The following DLC1 variants were observed in gnomAD, a reference collection of about 807,000 sequenced individuals.
DLC1 encodes DLC1 Rho GTPase activating protein, also known as rho GTPase-activating protein 7.
A neutral mutation model predicts 140.3 loss-of-function variants in DLC1; 54 were observed. The observed-to-expected ratio is 0.38, with a 90% confidence interval of 0.31 to 0.48. DLC1 has a LOEUF of 0.48. DLC1 is among the 20% of genes least tolerant of loss of function. The probability of loss-of-function intolerance (pLI) is 0.96; values close to 1 mark genes in which losing one functional copy is unlikely to be tolerated. For synonymous variants in DLC1, 986 were observed against 728.1 expected, an observed-to-expected ratio of 1.35 and a Z score of -5.70; for missense variants, 2,536 against 1,907.0, an observed-to-expected ratio of 1.33 and a Z score of -6.14.
At position 13,165,692 on chromosome 8, in the gene DLC1, A is replaced by G. The variant is rs546397333; in HGVS notation, c.1349-50035T>C. ...TATAGCCAGAGCAGTGGACGCTCCA[A>G]TCAAAACATCGGCCTCTACACCTTC... On this transcript the variant is annotated intron_variant, in intron 5 of 17. Transcript: ENST00000276297. Among the ~76,000 whole-genome samples the G allele has an allele frequency of 1.1e-4, 17 of 152,280 alleles. No individual in the cohort carries two copies. The South Asian group carries it at 3.5e-3, about 32-fold the overall frequency.
At chr8:13,345,546 A>ATTTT (rs1490773993) in intron 4 of DLC1, among the ~76,000 whole-genome samples, 1 of 44,656 alleles carries the variant, frequency 2.2e-5, no homozygotes, top group Admixed American at 3.7e-4. Flanking sequence ...TTTCACTCAC[A>ATTTT]CTTTTTTTTT....
rs182107031 is a variant in DLC1, at chr8:13,367,812, A to C, written c.1314+25741T>G. Among the ~76,000 whole-genome samples the C allele has an allele frequency of 3.9e-5, 6 of 152,312 alleles. 1 individual carries two copies. Among genetic ancestry groups the C allele is most frequent in the Admixed American group, 3.9e-4 (6 of 15,300 alleles). On this transcript the variant is annotated intron_variant, in intron 4 of 17. Coordinates refer to ENST00000276297, the MANE Select transcript of DLC1 (RefSeq NM_182643.3). ...GCCAGCACCAGGGCAAGGAAGTGAG[A>C]CAGGAGAGGTTTCAAGAGATTCTTC...
intron 5 of DLC1, among the ~76,000 whole-genome samples, chr8:13,273,273 C>G (rs964324119): frequency 6.6e-6 from 1 of 152,152 alleles, no homozygotes; most frequent in African/African-American, 2.4e-5. Flanking sequence ...GAAGGAAGCA[C>G]ACTTCATCCA....
At chr8:13,134,786 C>A (rs1019743489) in intron 5 of DLC1, among the ~76,000 whole-genome samples, 18 of 152,026 alleles carry the variant, frequency 1.2e-4, no homozygotes, top group African/African-American at 4.3e-4. Context: ...TAGCAAGACT[C>A]CATCTGTACA....
At chr8:13,322,599 T>A (rs1436914714) in intron 4 of DLC1, among the ~76,000 whole-genome samples, 2 of 152,198 alleles carry the variant, frequency 1.3e-5, no homozygotes, top group African/African-American at 4.8e-5. Flanking sequence ...TTTTCTTAGT[T>A]ATAAAGTTTT....
intron 7 of DLC1, 47 bp from the exon 8 acceptor site, chr8:13,102,900 T>G: frequency 7.2e-6 from 11 of 1,518,952 alleles, no homozygotes; most frequent in African/African-American, 1.4e-5. Flanking sequence ...AACCACTCTC[T>G]AATGAGTGGA....
intron 2 of DLC1, among the ~76,000 whole-genome samples, chr8:13,475,695 G>A (rs1413997164): frequency 6.6e-6 from 1 of 152,182 alleles, no homozygotes; most frequent in Non-Finnish European, 1.5e-5. Flanking sequence ...TACAAACCCT[G>A]AGGCTGGTAC....
rs57585674 is a variant in DLC1, at chr8:13,319,821, C to CTT, written c.1315-14521_1315-14520dup. On this transcript the variant is annotated intron_variant, in intron 4 of 17. Coordinates refer to ENST00000276297, the MANE Select transcript of DLC1 (RefSeq NM_182643.3). ...AACCATTGTTTAATTCTCTCTCTCT[C>CTT]TTTTTTTTTTTTTTTTTTTGAGATG... 2.9e-3 allele frequency among the ~76,000 whole-genome samples: 260 copies of CTT among 88,968 alleles called. 12 individuals carry two copies. Among genetic ancestry groups the CTT allele is most frequent in the African/African-American group, 0.011 (237 of 21,966 alleles). The allele number at this position is 88,968 out of a possible 152,430, so 58.4% of individuals were successfully genotyped here. A position where few individuals can be genotyped will look rare whatever the true frequency, so the allele number is the denominator to read the frequency against.
chr8:13,330,748 A>G (rs1189605430), intron 4 of DLC1, among the ~76,000 whole-genome samples: 1 of 152,136 alleles, frequency 6.6e-6, no homozygotes, highest in Non-Finnish European at 1.5e-5. Context: ...TTTCCTCACT[A>G]CCTTCCTTTT....
At chr8:13,286,089 A>G (rs1004334852) in intron 5 of DLC1, among the ~76,000 whole-genome samples, 2 of 152,250 alleles carry the variant, frequency 1.3e-5, no homozygotes, top group African/African-American at 4.8e-5. Context: ...GAAACAATCC[A>G]ATTGAAAAAT....
chr8:13,488,765 C>T (rs1801094321), intron 2 of DLC1, among the ~76,000 whole-genome samples: 1 of 152,142 alleles, frequency 6.6e-6, no homozygotes, highest in South Asian at 2.1e-4. Context: ...GTTAATTACG[C>T]TTAATATGAA....
At chr8:13,464,163 T>TAAAACCC (rs1799813582) in intron 2 of DLC1, among the ~76,000 whole-genome samples, 2 of 152,162 alleles carry the variant, frequency 1.3e-5, no homozygotes, top group African/African-American at 4.8e-5. Context: ...ACCCTGGGCT[T>TAAAACCC]TTTAGGCAGA....
chr8:13,259,796 G>GT (rs367852891), intron 5 of DLC1, among the ~76,000 whole-genome samples: 2,600 of 148,090 alleles, frequency 0.018, 49 homozygotes, highest in African/African-American at 0.054. Flanking sequence ...CAACAGATGG[G>GT]TTTTTTTTTT....
At chr8:13,580,078 A>G (rs904967479) in intron 1 of DLC1, among the ~76,000 whole-genome samples, 2 of 151,850 alleles carry the variant, frequency 1.3e-5, no homozygotes, top group African/African-American at 4.8e-5. Context: ...CCAATCCCAT[A>G]TTCTCATATG....
At chr8:13,419,025 T>C (rs2117335316) in intron 2 of DLC1, among the ~76,000 whole-genome samples, 1 of 150,910 alleles carries the variant, frequency 6.6e-6, no homozygotes, top group East Asian at 1.9e-4. Flanking sequence ...TGTCTGTTAT[T>C]GGTGTATAAG....
chr8:13,493,601 T>C (rs1206520438), intron 2 of DLC1, among the ~76,000 whole-genome samples: 1 of 152,218 alleles, frequency 6.6e-6, no homozygotes, highest in Admixed American at 6.5e-5. Flanking sequence ...TTTGAAACTA[T>C]GTATTATTGT....
At chr8:13,470,043 C>A (rs1800136339) in intron 2 of DLC1, among the ~76,000 whole-genome samples, 1 of 152,086 alleles carries the variant, frequency 6.6e-6, no homozygotes, top group South Asian at 2.1e-4. Flanking sequence ...CAATAAATTC[C>A]CTTGTGCTCA....
intron 14 of DLC1, 40 bp downstream of exon 14, chr8:13,091,278 A>T: frequency 6.2e-7 from 1 of 1,602,152 alleles, no homozygotes; most frequent in East Asian, 2.2e-5. Flanking sequence ...ACCTATTCAC[A>T]TTATCCTTAA....
At chr8:13,578,923 C>G (rs1804944646) in intron 1 of DLC1, among the ~76,000 whole-genome samples, 1 of 151,888 alleles carries the variant, frequency 6.6e-6, no homozygotes, top group South Asian at 2.1e-4. Flanking sequence ...GCCCTACTCC[C>G]CTCCCCAGAG....
Sources: allele counts gnomAD v4.1 joint callset (sites outside exome capture counted in the v4.1 genomes callset), GRCh38; gene constraint gnomAD v4.1.1; transcripts MANE v1.5; gene names NCBI Gene and HGNC (gene_info 2026-07-23, HGNC 2026-07-21).